SLC12A4: variants seen among roughly 807,000 people sequenced by gnomAD.
The protein encoded by SLC12A4 is electroneutral potassium-chloride cotransporter 1.
SLC12A4 carries 84 observed loss-of-function variants against 119.2 expected under a neutral mutation model. The ratio of observed to expected loss-of-function variants is 0.70; its 90% CI spans 0.59 to 0.85. The LOEUF is 0.85. Among genes scored for constraint, SLC12A4 ranks in the 40% least tolerant of loss-of-function variants. SLC12A4 has a pLI of 0.00. For missense variants in SLC12A4, 1,298 were observed against 1,476.3 expected (o/e 0.88, Z 1.98); for synonymous variants, 599 against 604.6 (o/e 0.99, Z 0.14).
intron 13 of SLC12A4, among the ~76,000 whole-genome samples, chr16:67,948,388 G>C (rs529435685): frequency 4.7e-4 from 72 of 152,380 alleles, no homozygotes; most frequent in Non-Finnish European, 4.0e-4. Flanking sequence ...TGCTGTTGGA[G>C]GAGGTAGGAA....
intron 1 of SLC12A4, among the ~76,000 whole-genome samples, chr16:67,968,153 C>T (rs2030944424): frequency 6.6e-6 from 1 of 152,120 alleles, no homozygotes; most frequent in Admixed American, 6.5e-5. Context: ...GGCGGCCCGG[C>T]CGGCTGGCCT....
chr16:67,960,722 A>T (rs1229621309), intron 3 of SLC12A4, among the ~76,000 whole-genome samples: 3 of 151,318 alleles, frequency 2.0e-5, no homozygotes, highest in Non-Finnish European at 4.4e-5. Flanking sequence ...ATGTAGAAAA[A>T]TCCCCAGCCC....
rs779419276 is a variant in SLC12A4, at chr16:67,944,093, C to T, written c.*747G>A. 5.8e-6 allele frequency: 9 copies of T among 1,547,506 alleles called. No homozygotes were observed. Among genetic ancestry groups the T allele is most frequent in the South Asian group, 1.2e-5 (1 of 83,880 alleles). On this transcript the variant is annotated 3_prime_UTR_variant, in exon 24 of 24. Transcript: ENST00000316341. This position sits in a 1 kb window ranked among gnomAD's most constrained non-coding sequence, Gnocchi z 6.6. ...TCACCCACTGCCATGGGGAGCCGGG[C>T]GGCCCCATTCCAGCCCTGGTGCCTA...
chr16:67,953,481 G>A (rs1221540340), intron 6 of SLC12A4, among the ~76,000 whole-genome samples: 2 of 152,216 alleles, frequency 1.3e-5, no homozygotes, highest in Admixed American at 6.5e-5. Flanking sequence ...TATATGAGAT[G>A]CCCAGAATAG....
Position 67,950,792 on chromosome 16 carries a change from C to A in SLC12A4, c.1397-81G>T. 1 of 1,533,172 alleles carries A rather than the reference C, an allele frequency of 6.5e-7. No homozygotes were observed. The highest frequency in any genetic ancestry group is 2.4e-5 in the East Asian group (1 of 41,334). The allele number at this position is 1,533,172 out of a possible 1,614,324, so 95.0% of individuals were successfully genotyped here. Reference sequence around the variant, plus strand: ...ACCACGTGCCCCCACCCCAGCCAGACTACCAGGACACCTACAGCTGGGAGT... The same window carrying A: ...ACCACGTGCCCCCACCCCAGCCAGAATACCAGGACACCTACAGCTGGGAGT... On this transcript the variant is annotated intron_variant, in intron 10 of 23. Transcript: ENST00000316341. This position sits in a 1 kb window ranked among gnomAD's most constrained non-coding sequence, Gnocchi z 4.3.
chr16:67,947,354 C>A lies in SLC12A4; in HGVS notation c.2049G>T (p.Gly683=). The A allele has an allele frequency of 6.2e-7, 1 of 1,612,202 alleles. No individual in the cohort carries two copies. The highest frequency in any genetic ancestry group is 1.1e-5 in the South Asian group (1 of 91,046). The change falls in exon 16 of 24, where the codon GGG becomes GGT. Residue 683 remains glycine, a synonymous_variant. Coordinates refer to ENST00000316341, the MANE Select transcript of SLC12A4 (RefSeq NM_005072.5). ...ARYALLRLEE[G]PPHTKNWRPQ... ...ACCGCCAGTTCTTGGTGTGAGGAGG[C>A]CCCTCCTCCAGCCGCAACAGCGCGT... is the stretch of plus-strand genomic sequence containing the variant.
chr16:67,963,656 C>G, intron 1 of SLC12A4, 97 bp from the exon 2 acceptor site: 1 of 977,918 alleles, frequency 1.0e-6, no homozygotes. Context: ...CTGTGGAGCA[C>G]TTTGGAGCTG....
Position 67,958,126 on chromosome 16 carries a change from C to T in SLC12A4, c.343-82G>A, listed in dbSNP as rs1598225565. The T allele has an allele frequency of 2.7e-6, 4 of 1,500,970 alleles. No individual in the cohort carries two copies. The East Asian group carries it at 9.3e-5, about 35-fold the overall frequency. 93.0% of individuals were successfully genotyped at this position (1,500,970 alleles called of 1,614,324 possible). On this transcript the variant is annotated intron_variant, in intron 3 of 23. Transcript: ENST00000316341. ...AGTCAGCCCTAGTCACTCAGCAGGC[C>T]CCCTCCCCCAGTGGGGCCCCAGGGA... is the stretch of plus-strand genomic sequence containing the variant.
intron 14 of SLC12A4, 128 bp from the exon 15 acceptor site, chr16:67,947,916 T>G (rs569244275): frequency 6.8e-7 from 1 of 1,468,734 alleles, no homozygotes; most frequent in South Asian, 1.2e-5. Flanking sequence ...GGTCACTGGG[T>G]GTAAGACCTA....
intron 5 of SLC12A4, among the ~76,000 whole-genome samples, chr16:67,955,915 G>A (rs1318976612): frequency 6.6e-6 from 1 of 151,200 alleles, no homozygotes; most frequent in Admixed American, 6.6e-5. Flanking sequence ...AGTGGCTCAC[G>A]CCTGTAATCC....
intron 1 of SLC12A4, among the ~76,000 whole-genome samples, chr16:67,967,510 T>A (rs1446408298): frequency 1.3e-5 from 2 of 152,154 alleles, no homozygotes; most frequent in Non-Finnish European, 2.9e-5. Flanking sequence ...CATATGCCAC[T>A]ACGTACACAG....
chr16:67,953,555 G>A (rs1468616854), intron 6 of SLC12A4, among the ~76,000 whole-genome samples: 2 of 152,208 alleles, frequency 1.3e-5, no homozygotes, highest in African/African-American at 2.4e-5. Flanking sequence ...GAGAGTGACT[G>A]CTAATGGGGG....
rs1462407514 is a variant in SLC12A4, at chr16:67,961,615, T to C, written c.302A>G (p.Glu101Gly). ...GCGGGTGCCCTCCCCACTCTCGGCC[T>C]CCTCATGCTCTTTGGCGCCCTGGGT... ...NLTQGAKEHE[E>G]AESGEGTRRR... is the part of the protein sequence containing the mutation. Residue 101 changes from glutamate (E) to glycine (G), a missense_variant, in exon 3 of 24, where the codon GAG becomes GGG. Transcript: ENST00000316341. The C allele has an allele frequency of 9.3e-6, 15 of 1,613,898 alleles. No individual in the cohort carries two copies. The highest frequency in any genetic ancestry group is 1.1e-5 in the Non-Finnish European group (13 of 1,180,016).
intron 1 of SLC12A4, chr16:67,964,060 T>C (rs768952668): frequency 7.8e-5 from 120 of 1,548,172 alleles, no homozygotes; most frequent in Admixed American, 1.2e-4. Context: ...TACCCCACCA[T>C]GCACTGCGCG....
intron 5 of SLC12A4, among the ~76,000 whole-genome samples, chr16:67,956,171 AAAAT>A (rs768198482): frequency 2.0e-5 from 3 of 151,810 alleles, no homozygotes; most frequent in East Asian, 1.9e-4. Context: ...ACTCCGTCTC[AAAAT>A]AAATAAATAA....
intron 17 of SLC12A4, 59 bp from the exon 18 acceptor site, chr16:67,946,692 C>T: frequency 6.5e-7 from 1 of 1,547,512 alleles, no homozygotes; most frequent in Non-Finnish European, 8.8e-7. Flanking sequence ...TCTGGGCTCC[C>T]TCCCAAGGCC....
rs575868262 is a variant in SLC12A4 at position 67,946,547 on chromosome 16, G to A, written c.2328C>T (p.His776=). ...CTCCCAGGCCACAGGACTGGATGAG[G>A]TGGGCCAGCCCCTCCCGCACCTTGC... The part of the protein sequence containing the change: ...VASKVREGLA[H]LIQSCGLGGM... The change falls in exon 18 of 24, where the codon CAC becomes CAT. Residue 776 remains histidine (H), a synonymous_variant. Transcript: ENST00000316341. The A allele has an allele frequency of 6.8e-6, 11 of 1,611,958 alleles. No homozygotes were observed. The Admixed American group carries it at 1.8e-4, about 27-fold the overall frequency.
chr16:67,963,867 A>G (rs948331353), intron 1 of SLC12A4: 3 of 1,525,834 alleles, frequency 2.0e-6, no homozygotes, highest in Non-Finnish European at 2.6e-6. Flanking sequence ...GGGCGGGGCC[A>G]GCGTTTGACC....
At chr16:67,960,985 T>TAAA (rs2030531443) in intron 3 of SLC12A4, among the ~76,000 whole-genome samples, 1 of 152,008 alleles carries the variant, frequency 6.6e-6, no homozygotes, top group African/African-American at 2.4e-5. Flanking sequence ...CAGGAGGGTT[T>TAAA]GTGACTTGCT....
Sources: gnomAD v4.1 joint callset for allele counts (sites outside exome capture counted in the v4.1 genomes callset) on GRCh38, gnomAD v4.1.1 for gene constraint, Gnocchi (gnomAD v3.1) non-coding constraint, MANE v1.5 for transcripts, NCBI Gene and HGNC (gene_info 2026-07-23, HGNC 2026-07-21) for gene names.